Variants in PIK3CA observed in about 807,000 individuals in gnomAD.
PIK3CA encodes the protein phosphatidylinositol-4,5-bisphosphate 3-kinase catalytic subunit alpha, also known as phosphatidylinositol 4,5-bisphosphate 3-kinase catalytic subunit alpha isoform.
Under a neutral mutation model 138.2 loss-of-function variants are expected in PIK3CA, and 27 were observed. The ratio of observed to expected loss-of-function variants is 0.20; its 90% CI spans 0.14 to 0.27. The LOEUF is 0.27. PIK3CA is among the 10% of genes least tolerant of loss of function. The probability of loss-of-function intolerance (pLI) is 1.00; values close to 1 mark genes in which losing one functional copy is unlikely to be tolerated. For synonymous variants in PIK3CA, 358 were observed against 413.2 expected (o/e 0.87, Z 1.62); for missense variants, 544 against 1,277.4 (o/e 0.43, Z 8.75).
In PIK3CA at chr3:179,188,908, T is replaced by A. The variant is rs189881113; in HGVS notation, c.-76-9842T>A. On this transcript the variant is annotated intron_variant, in intron 1 of 20. Coordinates refer to ENST00000263967, the MANE Select transcript of PIK3CA (RefSeq NM_006218.4). ...AATTTGTCCTTTTGCATGCTGAAAT[T>A]TGAATTTTTAAAATTCAAGTATGCT... 4.2e-4 allele frequency among the ~76,000 whole-genome samples: 64 copies of A among 152,286 alleles called. No homozygotes were observed. In the East Asian group the frequency reaches 9.8e-3, roughly 23 times the overall value.
chr3:179,182,936 A>G (rs1250859465), intron 1 of PIK3CA, among the ~76,000 whole-genome samples: 1 of 152,242 alleles, frequency 6.6e-6, no homozygotes. Flanking sequence ...GATTTTTTAG[A>G]AATCTGTGCT....
intron 14 of PIK3CA, among the ~76,000 whole-genome samples, chr3:179,222,114 TCA>T: frequency 6.6e-6 from 1 of 151,478 alleles, no homozygotes; most frequent in Middle Eastern, 3.4e-3. Context: ...AGCTCATTCC[TCA>T]CCTCTAGTAA....
At position 179,199,973 on chromosome 3, in the gene PIK3CA, T is replaced by G. The variant is rs1268779107; in HGVS notation, c.562+74T>G. The stretch of plus-strand genomic sequence containing the variant: ...TACCTGTGTCTATATCTTTGTATAG[T>G]CTTTTTTTTTTTTTCCAGCTAGATA... On this transcript the variant is annotated intron_variant, in intron 3 of 20. Transcript: ENST00000263967. 7 of 902,842 alleles carry G rather than the reference T, an allele frequency of 7.8e-6. No individual in the cohort carries two copies. The African/African-American group carries it at 1.3e-4, about 16-fold the overall frequency. The allele number at this position is 902,842 out of a possible 1,614,324, so 55.9% of individuals were successfully genotyped here.
At chr3:179,199,601 A>T (rs531718713) in intron 2 of PIK3CA, 89 bp from the exon 3 acceptor site, 1 of 939,206 alleles carries the variant, frequency 1.1e-6, no homozygotes, top group Non-Finnish European at 1.6e-6. Context: ...GTGATCTTCC[A>T]AATCTACAGA....
chr3:179,217,140 G>A (rs977483257), intron 9 of PIK3CA, among the ~76,000 whole-genome samples: 7 of 152,208 alleles, frequency 4.6e-5, no homozygotes, highest in African/African-American at 1.4e-4. Flanking sequence ...TTTCCGGGGT[G>A]GGAGGAAGGC....
chr3:179,164,808 G>A (rs992585714), intron 1 of PIK3CA, among the ~76,000 whole-genome samples: 1 of 151,960 alleles, frequency 6.6e-6, no homozygotes, highest in Admixed American at 6.6e-5. Flanking sequence ...GGCGGAGGTA[G>A]CAGTGAGCCA....
intron 1 of PIK3CA, among the ~76,000 whole-genome samples, chr3:179,169,907 A>G (rs1432427328): frequency 2.6e-5 from 4 of 152,242 alleles, no homozygotes; most frequent in African/African-American, 9.6e-5. Flanking sequence ...TTGTTAAAAC[A>G]CACACACATA....
At chr3:179,156,979 A>G (rs1723153800) in intron 1 of PIK3CA, among the ~76,000 whole-genome samples, 1 of 152,164 alleles carries the variant, frequency 6.6e-6, no homozygotes, top group Admixed American at 6.5e-5. Context: ...TTTTTTGCTA[A>G]GTCAGCCACT....
intron 1 of PIK3CA, among the ~76,000 whole-genome samples, chr3:179,151,756 TC>T (rs1723020030): frequency 6.6e-6 from 1 of 152,228 alleles, no homozygotes; most frequent in Non-Finnish European, 1.5e-5. Context: ...AGTTTGTACT[TC>T]CTGAGACATT....
chr3:179,196,514 T>C (rs1724268661), intron 1 of PIK3CA, among the ~76,000 whole-genome samples: 1 of 152,226 alleles, frequency 6.6e-6, no homozygotes, highest in African/African-American at 2.4e-5. Context: ...TTCTATAATT[T>C]CAGTGGATCT....
chr3:179,215,905 C>G (rs1170747285), intron 9 of PIK3CA, among the ~76,000 whole-genome samples: 1 of 152,248 alleles, frequency 6.6e-6, no homozygotes, highest in East Asian at 1.9e-4. Context: ...ACATTTTGCG[C>G]CAAATAATTC....
chr3:179,159,668 G>A (rs1168642344), intron 1 of PIK3CA, among the ~76,000 whole-genome samples: 3 of 152,062 alleles, frequency 2.0e-5, no homozygotes, highest in Non-Finnish European at 2.9e-5. Flanking sequence ...ACATAAAAAC[G>A]TGACAAAAAT....
intron 1 of PIK3CA, among the ~76,000 whole-genome samples, chr3:179,193,573 AAC>A (rs1203310746): frequency 6.6e-6 from 1 of 152,254 alleles, no homozygotes; most frequent in Non-Finnish European, 1.5e-5. Context: ...GTTTTAATAT[AAC>A]ACAGTAATTG....
At chr3:179,204,901 A>T (rs1724517721) in intron 6 of PIK3CA, among the ~76,000 whole-genome samples, 1 of 151,592 alleles carries the variant, frequency 6.6e-6, no homozygotes, top group African/African-American at 2.4e-5. Context: ...GGCACCTGTA[A>T]TCCCAGCTAC....
At chr3:179,186,548 A>G (rs1723986518) in intron 1 of PIK3CA, among the ~76,000 whole-genome samples, 1 of 152,202 alleles carries the variant, frequency 6.6e-6, no homozygotes, top group Admixed American at 6.5e-5. Flanking sequence ...GAATGGAACA[A>G]TGTGTGGTTA....
chr3:179,204,455 G>A (rs757690229), intron 5 of PIK3CA, 48 bp from the exon 6 acceptor site: 2 of 849,872 alleles, frequency 2.4e-6, no homozygotes, highest in Non-Finnish European at 4.0e-6. Context: ...GTGTGCATAT[G>A]TGTATGTTGA....
intron 1 of PIK3CA, among the ~76,000 whole-genome samples, chr3:179,149,363 C>G (rs1338613198): frequency 2.0e-5 from 3 of 152,194 alleles, no homozygotes; most frequent in East Asian, 1.9e-4. Context: ...AAACACCAGA[C>G]GTTCAGCCGG....
intron 1 of PIK3CA, among the ~76,000 whole-genome samples, chr3:179,174,278 G>T (rs1470398666): frequency 6.6e-6 from 1 of 151,896 alleles, no homozygotes; most frequent in Non-Finnish European, 1.5e-5. Flanking sequence ...AGACCAGCCT[G>T]GCCAACACAG....
intron 1 of PIK3CA, among the ~76,000 whole-genome samples, chr3:179,171,232 T>C (rs1723550990): frequency 6.6e-6 from 1 of 152,116 alleles, no homozygotes; most frequent in East Asian, 1.9e-4. Context: ...AAATAGAAAA[T>C]ATTTTTAACT....
Sources: gnomAD v4.1 joint callset for allele counts (sites outside exome capture counted in the v4.1 genomes callset) on GRCh38, gnomAD v4.1.1 for gene constraint, MANE v1.5 for transcripts, NCBI Gene and HGNC (gene_info 2026-07-23, HGNC 2026-07-21) for gene names.